SSUH2: variants seen among roughly 807,000 people sequenced by gnomAD.
SSUH2 encodes the protein ssu-2 homolog.
In SSUH2, 47 loss-of-function variants were observed where a neutral mutation model predicts 55.3. The ratio of observed to expected loss-of-function variants is 0.85; its 90% CI spans 0.67 to 1.08. SSUH2 has a LOEUF of 1.08. Ranked by LOEUF, SSUH2 falls within the 50% of genes least tolerant of loss-of-function variation. SSUH2 has a pLI of 0.00. For synonymous variants in SSUH2, 212 were observed against 191.5 expected, an observed-to-expected ratio of 1.11 and a Z score of -0.89; for missense variants, 535 against 490.7, an observed-to-expected ratio of 1.09 and a Z score of -0.85.
chr3:8,673,181 G>A (rs549781632), intron 3 of SSUH2, among the ~76,000 whole-genome samples: 2 of 151,680 alleles, frequency 1.3e-5, no homozygotes, highest in African/African-American at 4.9e-5. Flanking sequence ...ATTAATACCA[G>A]GCATCATTAA....
rs984150292 is a variant in SSUH2 at position 8,658,318 on chromosome 3, G to A, written c.-307+607C>T. On this transcript the variant is annotated intron_variant, in intron 7 of 18. Transcript: ENST00000317371. ...AAATTAAACCTTTATTGCTCCTTGC[G>A]TGACCACTTCAGAAACTCTCTCAGA... Among the ~76,000 whole-genome samples, 8 of 152,336 alleles carry A rather than the reference G, an allele frequency of 5.3e-5. 1 individual carries two copies. In the East Asian group the frequency reaches 1.5e-3, roughly 29 times the overall value.
At position 8,635,811 on chromosome 3, in the gene SSUH2, G is replaced by T. The variant is rs576484052; in HGVS notation, c.75C>A (p.Pro25=). Residue 25 remains proline, a synonymous_variant, in exon 2 of 12, where the codon CCC becomes CCA. Transcript: ENST00000544814. ...TGGGCAGTCTCTCCAGGAGCTCTGT[G>T]GGGGGCGCCAGAGGACTCTCGGCCT... ...SFEAESPLAP[P]TELLERLPSY... 6.5e-6 allele frequency: 10 copies of T among 1,535,830 alleles called. No individual in the cohort carries two copies. Among genetic ancestry groups the T allele is most frequent in the South Asian group, 1.2e-5 (1 of 84,002 alleles).
chr3:8,670,365 A>G lies in SSUH2; in HGVS notation c.-455+633T>C, dbSNP rs185736396. ...ACATCCCCCTAGGATATTATGAATA[A>G]TAACACAGGCGGTGTACACACATGA... On this transcript the variant is annotated intron_variant, in intron 5 of 18. Coordinates refer to the SSUH2 transcript ENST00000317371. Among the ~76,000 whole-genome samples the G allele has an allele frequency of 5.3e-5, 8 of 152,204 alleles. No homozygotes were observed. In the East Asian group the frequency reaches 1.5e-3, roughly 29 times the overall value.
intron 1 of SSUH2, among the ~76,000 whole-genome samples, chr3:8,681,089 A>G (rs368237918): frequency 0.013 from 1,083 of 81,974 alleles, 109 homozygotes; most frequent in Middle Eastern, 0.078. Flanking sequence ...AGCAGGGGGG[A>G]GAGGCACCCC....
intron 7 of SSUH2, among the ~76,000 whole-genome samples, chr3:8,653,876 T>G (rs1470501964): frequency 1.3e-5 from 2 of 152,178 alleles, no homozygotes; most frequent in African/African-American, 4.8e-5. Flanking sequence ...TTTCCGGTAC[T>G]CACTCTCTAC....
intron 8 of SSUH2, among the ~76,000 whole-genome samples, chr3:8,626,741 G>A (rs1697652440): frequency 6.6e-6 from 1 of 152,128 alleles, no homozygotes; most frequent in Non-Finnish European, 1.5e-5. Context: ...TAAGCTTGGA[G>A]CTACTGGTGA....
rs112366230 is a variant in SSUH2 at position 8,633,761 on chromosome 3, C to G, written c.244G>C (p.Ala82Pro). ...PAMTEEVARE[A>P]LLSFVDSKCC... ...TTAGAGTCCACAAAGCTGAGGAGGG[C>G]TTCCCGGGCCACCTCCTCCGTCATC... Residue 82 changes from alanine (A) to proline (P), a missense_variant, in exon 4 of 12, where the codon GCC becomes CCC. Coordinates refer to ENST00000544814, the MANE Select transcript of SSUH2 (RefSeq NM_001256748.3). 6.2e-7 allele frequency: 1 copy of G among 1,610,936 alleles called. No individual in the cohort carries two copies. The highest frequency in any genetic ancestry group is 8.5e-7 in the Non-Finnish European group (1 of 1,178,280).
upstream of SSUH2, among the ~76,000 whole-genome samples, chr3:8,648,747 G>A (rs190260067): frequency 6.6e-6 from 1 of 152,232 alleles, no homozygotes; most frequent in East Asian, 1.9e-4. Flanking sequence ...CCAAAACACA[G>A]GTGGGGAAAT....
intron 6 of SSUH2, among the ~76,000 whole-genome samples, chr3:8,630,318 C>A (rs17787230): frequency 3.9e-5 from 6 of 152,150 alleles, no homozygotes; most frequent in African/African-American, 1.2e-4. Context: ...CTATCTCAGT[C>A]GTGTTTTTGT....
chr3:8,642,415 GA>G (rs1701005322), intron 1 of SSUH2, among the ~76,000 whole-genome samples: 1 of 152,222 alleles, frequency 6.6e-6, no homozygotes, highest in East Asian at 1.9e-4. Context: ...CCAAAGAGTA[GA>G]AGCTCCAGGG....
intron 7 of SSUH2, among the ~76,000 whole-genome samples, chr3:8,654,708 ACAGTGTGTGGCCTTCTCCCCAAGGTCT>A (rs1361786255): frequency 6.6e-6 from 1 of 152,106 alleles, no homozygotes; most frequent in Non-Finnish European, 1.5e-5. Context: ...CTCCAAGATC[ACAGTGTGTGGCCTTCTCCCCAAGGTCT>A]CAGTGTGTGG....
intron 5 of SSUH2, among the ~76,000 whole-genome samples, chr3:8,668,733 C>G (rs1331187844): frequency 1.3e-5 from 2 of 152,134 alleles, no homozygotes; most frequent in African/African-American, 4.8e-5. Context: ...ATTTTCTCCC[C>G]AAGTGAAGTT....
chr3:8,671,323 C>T (rs556624829), intron 4 of SSUH2, among the ~76,000 whole-genome samples: 1 of 152,034 alleles, frequency 6.6e-6, no homozygotes, highest in Non-Finnish European at 1.5e-5. Context: ...ACCTCTGTGA[C>T]ATTAAGAGTC....
chr3:8,656,962 C>T (rs999449704), intron 7 of SSUH2, among the ~76,000 whole-genome samples: 7 of 152,186 alleles, frequency 4.6e-5, no homozygotes, highest in Admixed American at 4.6e-4. Context: ...CTCACTTCAA[C>T]CTCCACCTCC....
chr3:8,646,735 A>T (rs1328448993), upstream of SSUH2, among the ~76,000 whole-genome samples: 1 of 152,218 alleles, frequency 6.6e-6, no homozygotes, highest in Non-Finnish European at 1.5e-5. Flanking sequence ...AGCAGCAGGA[A>T]CAAGCAGCAT....
At chr3:8,625,774 T>TA in intron 9 of SSUH2, 127 bp from the exon 10 acceptor site, 1 of 640,128 alleles carries the variant, frequency 1.6e-6, no homozygotes, top group South Asian at 1.9e-5. Context: ...AACAGTTCTG[T>TA]AGCCTCTCTG....
intron 6 of SSUH2, among the ~76,000 whole-genome samples, chr3:8,661,057 A>G (rs1703431752): frequency 6.6e-6 from 1 of 152,254 alleles, no homozygotes; most frequent in South Asian, 2.1e-4. Context: ...CTGGCCATGC[A>G]TTTCTGGCTC....
Position 8,639,659 on chromosome 3 carries a change from C to T in SSUH2, c.29-3802G>A, listed in dbSNP as rs769424808. On this transcript the variant is annotated intron_variant, in intron 1 of 11. Coordinates refer to ENST00000544814, the MANE Select transcript of SSUH2 (RefSeq NM_001256748.3). ...CATTATTAATGGGTAACCCCTTTAACGTTCTCTTTTTAAAATGTCATTCCC... is the reference window on the plus strand; with the variant it reads ...CATTATTAATGGGTAACCCCTTTAATGTTCTCTTTTTAAAATGTCATTCCC... Among the ~76,000 whole-genome samples the T allele has an allele frequency of 4.6e-5, 7 of 152,150 alleles. No homozygotes were observed. The South Asian group carries it at 6.2e-4, about 14-fold the overall frequency.
intron 3 of SSUH2, among the ~76,000 whole-genome samples, chr3:8,674,509 A>G (rs1360856703): frequency 6.6e-6 from 1 of 152,172 alleles, no homozygotes. Flanking sequence ...GGTGCTGAAC[A>G]TTCGCTAGTA....
Sources: allele counts gnomAD v4.1 joint callset (sites outside exome capture counted in the v4.1 genomes callset), GRCh38; gene constraint gnomAD v4.1.1; transcripts MANE v1.5; gene names NCBI Gene and HGNC (gene_info 2026-07-23, HGNC 2026-07-21).